Variants in CNBD1 observed in about 807,000 individuals in gnomAD.
The protein encoded by CNBD1 is cyclic nucleotide binding domain containing 1.
A neutral mutation model predicts 54.4 loss-of-function variants in CNBD1; 71 were observed. That is an observed-to-expected ratio of 1.30 (90% CI 1.08 to 1.59). The LOEUF (loss-of-function observed/expected upper bound fraction) is 1.59. CNBD1 is among the 40% of genes most tolerant of loss of function. CNBD1 has a pLI of 0.00. For synonymous variants in CNBD1, 182 were observed against 170.7 expected (o/e 1.07, Z -0.51); for missense variants, 659 against 518.0 (o/e 1.27, Z -2.64).
intron 8 of CNBD1, among the ~76,000 whole-genome samples, chr8:87,339,370 T>C (rs1810017639): frequency 1.3e-5 from 2 of 152,082 alleles, no homozygotes; most frequent in Non-Finnish European, 2.9e-5. Flanking sequence ...CAGGTTTCCC[T>C]ACGCTCGCGT....
chr8:87,363,672 A>G (rs1810571856), intron 10 of CNBD1, among the ~76,000 whole-genome samples: 1 of 151,492 alleles, frequency 6.6e-6, no homozygotes. Context: ...GTGTCTGTTC[A>G]TACTTTTCGC....
downstream of CNBD1, among the ~76,000 whole-genome samples, chr8:87,386,932 AAG>A (rs568673997): frequency 2.3e-4 from 35 of 152,356 alleles, no homozygotes; most frequent in South Asian, 7.2e-3. Flanking sequence ...TGCAAGCCAG[AAG>A]AGAGTGGGGG....
At chr8:86,925,509 G>A (rs1809343775) in intron 3 of CNBD1, among the ~76,000 whole-genome samples, 1 of 143,948 alleles carries the variant, frequency 6.9e-6, no homozygotes, top group Admixed American at 6.9e-5. Flanking sequence ...GTGTGTGTGT[G>A]TGTGTGTGTG....
At chr8:87,355,359 G>T (rs1284243261) in intron 10 of CNBD1, among the ~76,000 whole-genome samples, 1 of 152,054 alleles carries the variant, frequency 6.6e-6, no homozygotes, top group Non-Finnish European at 1.5e-5. Flanking sequence ...TTGCTTTTAT[G>T]TTTTTGGTTC....
chr8:87,366,790 C>T (rs1275963906), intron 10 of CNBD1, among the ~76,000 whole-genome samples: 6 of 151,974 alleles, frequency 3.9e-5, no homozygotes, highest in Admixed American at 2.6e-4. Context: ...TGCTATGAGG[C>T]AGCATGGGGT....
chr8:87,056,015 T>C (rs1312496434), intron 4 of CNBD1, among the ~76,000 whole-genome samples: 1 of 151,826 alleles, frequency 6.6e-6, no homozygotes, highest in Admixed American at 6.6e-5. Flanking sequence ...GTGGAGCACT[T>C]ACTATGAGCC....
chr8:86,930,578 G>A (rs940394727), intron 3 of CNBD1, among the ~76,000 whole-genome samples: 3 of 152,212 alleles, frequency 2.0e-5, no homozygotes, highest in African/African-American at 7.2e-5. Flanking sequence ...GGGAGTCAGA[G>A]TGCAGAGGAA....
intron 6 of CNBD1, among the ~76,000 whole-genome samples, chr8:87,277,260 G>C (rs1036189743): frequency 2.0e-5 from 3 of 151,666 alleles, no homozygotes; most frequent in Non-Finnish European, 4.4e-5. Flanking sequence ...TGTCAAGGAG[G>C]ATAATTCTGT....
chr8:87,369,988 T>C (rs1383958473), intron 10 of CNBD1, among the ~76,000 whole-genome samples: 1 of 152,132 alleles, frequency 6.6e-6, no homozygotes, highest in Non-Finnish European at 1.5e-5. Flanking sequence ...TTTGGTTTTT[T>C]GTCCCTGCAA....
chr8:87,264,847 G>A (rs1808215839), intron 6 of CNBD1, among the ~76,000 whole-genome samples: 1 of 151,866 alleles, frequency 6.6e-6, no homozygotes, highest in Non-Finnish European at 1.5e-5. Flanking sequence ...TGATGGGGTT[G>A]TTTGTTTTTT....
intron 4 of CNBD1, among the ~76,000 whole-genome samples, chr8:87,205,068 C>T (rs1260515304): frequency 2.0e-5 from 3 of 152,026 alleles, no homozygotes; most frequent in Non-Finnish European, 4.4e-5. Context: ...GATGGGCCAA[C>T]ACTATGTCAT....
chr8:87,413,562 T>A (rs576071822), intron 2 of CNBD1, among the ~76,000 whole-genome samples: 1 of 152,142 alleles, frequency 6.6e-6, no homozygotes, highest in African/African-American at 2.4e-5. Flanking sequence ...GTTTGTTTGG[T>A]TTTATTTATT....
rs530906520 is a variant in CNBD1 at position 87,002,589 on chromosome 8, T to TG, written c.431+62835_431+62836insG. ...ACTTACTCTTACTCATGCTGAAACCTTTTTTTTTTTTTCAAATATCCCATG... is the reference window on the plus strand; with the variant it reads ...ACTTACTCTTACTCATGCTGAAACCTGTTTTTTTTTTTTCAAATATCCCATG... On this transcript the variant is annotated intron_variant, in intron 4 of 10. Transcript: ENST00000518476. Among the ~76,000 whole-genome samples, 497 of 133,760 alleles carry TG rather than the reference T, an allele frequency of 3.7e-3. 7 individuals carry two copies. Among genetic ancestry groups the TG allele is most frequent in the African/African-American group, 0.015 (465 of 30,942 alleles). The allele number at this position is 133,760 out of a possible 152,430, so 87.8% of individuals were successfully genotyped here.
Position 87,269,252 on chromosome 8 carries a change from C to T in CNBD1, c.772-15426C>T, listed in dbSNP as rs568934070. On this transcript the variant is annotated intron_variant, in intron 6 of 10. Coordinates refer to ENST00000518476, the MANE Select transcript of CNBD1 (RefSeq NM_173538.3). ...CTGTAGGTATATGGCTTTATTTCTGCATTTTCTATCCTGTTCCATTGGTCT... is the reference window on the plus strand; with the variant it reads ...CTGTAGGTATATGGCTTTATTTCTGTATTTTCTATCCTGTTCCATTGGTCT... Among the ~76,000 whole-genome samples, 401 of 152,054 alleles carry T rather than the reference C, an allele frequency of 2.6e-3. 1 individual carries two copies. Among genetic ancestry groups the T allele is most frequent in the African/African-American group, 9.2e-3 (383 of 41,532 alleles).
chr8:87,184,666 G>A lies in CNBD1; in HGVS notation c.432-21327G>A, dbSNP rs537690269. On this transcript the variant is annotated intron_variant, in intron 4 of 10. Coordinates refer to ENST00000518476, the MANE Select transcript of CNBD1 (RefSeq NM_173538.3). ...CTCACCCTTTCCCTAGAAGCCACTG[G>A]GGGCCAGGAAGGAGTCTGGTGCTTG... Among the ~76,000 whole-genome samples the A allele has an allele frequency of 3.3e-5, 5 of 152,220 alleles. No homozygotes were observed. In the South Asian group the frequency reaches 8.3e-4, roughly 25 times the overall value.
chr8:86,878,105 T>TGTGTGTGTGTGG (rs56785226), intron 1 of CNBD1, among the ~76,000 whole-genome samples: 1 of 140,876 alleles, frequency 7.1e-6, no homozygotes, highest in African/African-American at 2.5e-5. Context: ...TGTGTGTGTG[T>TGTGTGTGTGTGG]GAGAGAGAGA....
downstream of CNBD1, among the ~76,000 whole-genome samples, chr8:87,387,129 C>T (rs112959205): frequency 5.5e-3 from 840 of 152,208 alleles, 6 homozygotes; most frequent in African/African-American, 0.019. Flanking sequence ...AAGGAACAAC[C>T]GGTACCAGCC....
At chr8:87,124,138 A>G (rs754685942) in intron 4 of CNBD1, among the ~76,000 whole-genome samples, 2 of 151,672 alleles carry the variant, frequency 1.3e-5, no homozygotes, top group East Asian at 1.9e-4. Context: ...TGAGGCTGGA[A>G]TTACACTGAC....
chr8:87,175,336 G>T (rs1563496035), intron 4 of CNBD1, among the ~76,000 whole-genome samples: 1 of 152,130 alleles, frequency 6.6e-6, no homozygotes, highest in Non-Finnish European at 1.5e-5. Context: ...CACCACAGCT[G>T]GGAATATGCT....
Sources: gnomAD v4.1 joint callset for allele counts (sites outside exome capture counted in the v4.1 genomes callset) on GRCh38, gnomAD v4.1.1 for gene constraint, MANE v1.5 for transcripts, NCBI Gene and HGNC (gene_info 2026-07-23, HGNC 2026-07-21) for gene names.